The following TSNARE1 variants were observed in gnomAD, a reference collection of about 807,000 sequenced individuals.
TSNARE1 encodes t-SNARE domain containing 1, also known as t-SNARE domain-containing protein 1.
Under a neutral mutation model 62.0 loss-of-function variants are expected in TSNARE1, and 49 were observed. The ratio of observed to expected loss-of-function variants is 0.79; its 90% confidence interval spans 0.63 to 1.00. The LOEUF is 1.00. Among genes scored for constraint, TSNARE1 ranks in the 50% least tolerant of loss-of-function variants. TSNARE1 has a pLI of 0.00. For synonymous variants in TSNARE1, 328 were observed against 294.4 expected (o/e 1.11, Z -1.17); for missense variants, 755 against 700.1 (o/e 1.08, Z -0.88).
intron 11 of TSNARE1, chr8:142,278,425 G>A: frequency 2.0e-6 from 2 of 985,478 alleles, no homozygotes; most frequent in Non-Finnish European, 2.4e-6. Flanking sequence ...AGCTGGTCCT[G>A]CTTCCGGGGC....
chr8:142,356,899 T>A (rs1264724621), intron 1 of TSNARE1, among the ~76,000 whole-genome samples: 2 of 151,550 alleles, frequency 1.3e-5, no homozygotes, highest in Non-Finnish European at 2.9e-5. Context: ...CGAGCTCAGA[T>A]AACAAAGGCT....
At chr8:142,383,885 G>A (rs1211012204) in intron 1 of TSNARE1, among the ~76,000 whole-genome samples, 1 of 152,132 alleles carries the variant, frequency 6.6e-6, no homozygotes, top group Admixed American at 6.5e-5. Context: ...TTCACGTTTA[G>A]AAAAAACAGG....
intron 1 of TSNARE1, among the ~76,000 whole-genome samples, chr8:142,355,437 A>C (rs1232843145): frequency 1.3e-5 from 2 of 152,188 alleles, no homozygotes; most frequent in Non-Finnish European, 2.9e-5. Context: ...GTAAGCACTC[A>C]ACACATAACT....
At position 142,345,874 on chromosome 8, in the gene TSNARE1, G is replaced by A. The variant is rs746818682; in HGVS notation, c.107C>T (p.Thr36Ile). The change falls in exon 3 of 14, where the codon ACC becomes ATC. Residue 36 changes from threonine to isoleucine, a missense_variant. Thr to Ile is a moderately conservative substitution (Grantham distance 89). Coordinates refer to ENST00000524325, the MANE Select transcript of TSNARE1 (RefSeq NM_145003.5). The stretch of plus-strand genomic sequence containing the variant: ...GGGGAAATGGCGGATTCCATACTCG[G>A]TCCAACATCTAGCGCACTCTACGGA... ...CQPLECARCW[T>I]EYGIRHFPCP... 3 of 1,613,764 alleles carry A rather than the reference G, an allele frequency of 1.9e-6. No homozygotes were observed. The highest frequency in any genetic ancestry group is 2.7e-5 in the African/African-American group (2 of 75,014).
chr8:142,314,506 T>C lies in TSNARE1; in HGVS notation c.1075-66A>G, dbSNP rs372796274. ...AAAAGGGTGGGGAAGGGAGAAGAAA[T>C]GGTCAGCTGAGTGCAGGGCTCTGGA... On this transcript the variant is annotated intron_variant, in intron 8 of 13. Coordinates refer to ENST00000524325, the MANE Select transcript of TSNARE1 (RefSeq NM_145003.5). 46 of 1,449,614 alleles carry C rather than the reference T, an allele frequency of 3.2e-5. No individual in the cohort carries two copies. In the African/African-American group the frequency reaches 5.3e-4, roughly 17 times the overall value. The allele number at this position is 1,449,614 out of a possible 1,614,324, so 89.8% of individuals were successfully genotyped here. A position where few individuals can be genotyped will look rare whatever the true frequency, so the allele number is the denominator to read the frequency against.
At chr8:142,256,854 C>T (rs1026133743) in intron 12 of TSNARE1, among the ~76,000 whole-genome samples, 2 of 152,216 alleles carry the variant, frequency 1.3e-5, no homozygotes, top group Admixed American at 6.5e-5. Context: ...TGCTACTCAG[C>T]ACAATTTCTG....
rs1816355473 is a variant in TSNARE1, at chr8:142,222,347, C to CTCACTCACTCAT, written c.*11+7125_*11+7126insATGAGTGAGTGA. Among the ~76,000 whole-genome samples, 3 of 16,964 alleles carry CTCACTCACTCAT rather than the reference C, an allele frequency of 1.8e-4. 1 individual carries two copies. The highest frequency in any genetic ancestry group is 4.0e-3 in the South Asian group (2 of 500). The allele number at this position is 16,964 out of a possible 152,430, so 11.1% of individuals were successfully genotyped here. ...ATTCACTCACTCGCTCACTCATCCACTCACTCACTCACTCATCCACTAATT... is the reference window on the plus strand; with the variant it reads ...ATTCACTCACTCGCTCACTCATCCACTCACTCACTCATTCACTCACTCACTCATCCACTAATT... On this transcript the variant is annotated intron_variant, in intron 13 of 13. Transcript: ENST00000524325.
At chr8:142,360,954 G>C (rs112050645) in intron 1 of TSNARE1, among the ~76,000 whole-genome samples, 3 of 152,166 alleles carry the variant, frequency 2.0e-5, no homozygotes, top group Non-Finnish European at 4.4e-5. Flanking sequence ...CCCCACACAG[G>C]CAGAGGACAC....
intron 12 of TSNARE1, among the ~76,000 whole-genome samples, chr8:142,265,272 C>T (rs1819076824): frequency 6.6e-6 from 1 of 152,210 alleles, no homozygotes; most frequent in Non-Finnish European, 1.5e-5. Context: ...CTTCCCTAAC[C>T]CTTGACAACC....
At chr8:142,379,689 C>A (rs980215887) in intron 1 of TSNARE1, among the ~76,000 whole-genome samples, 1 of 152,314 alleles carries the variant, frequency 6.6e-6, no homozygotes, top group South Asian at 2.1e-4. Flanking sequence ...AGACGCAGCC[C>A]CCAGTGCTCC....
intron 2 of TSNARE1, among the ~76,000 whole-genome samples, chr8:142,351,329 C>G (rs1321269843): frequency 1.3e-5 from 2 of 152,180 alleles, no homozygotes; most frequent in Non-Finnish European, 2.9e-5. Context: ...CACACACCAG[C>G]AAGACGCATT....
chr8:142,370,841 C>CA (rs1450636288), intron 1 of TSNARE1, among the ~76,000 whole-genome samples: 22 of 128,646 alleles, frequency 1.7e-4, no homozygotes, highest in Non-Finnish European at 2.5e-4. Flanking sequence ...GGAGGGAAAA[C>CA]AAAAAACAAA....
intron 12 of TSNARE1, among the ~76,000 whole-genome samples, chr8:142,262,315 A>G (rs1293075037): frequency 6.6e-6 from 1 of 151,446 alleles, no homozygotes; most frequent in Admixed American, 6.6e-5. Context: ...CACTCTTCCT[A>G]TCCATGAACG....
At chr8:142,236,700 C>T (rs1393711206) in intron 12 of TSNARE1, among the ~76,000 whole-genome samples, 1 of 152,216 alleles carries the variant, frequency 6.6e-6, no homozygotes, top group Non-Finnish European at 1.5e-5. Flanking sequence ...AGACCACCAC[C>T]TCTTCCCACC....
At chr8:142,308,921 G>A (rs1827142515) in intron 9 of TSNARE1, among the ~76,000 whole-genome samples, 1 of 152,140 alleles carries the variant, frequency 6.6e-6, no homozygotes, top group South Asian at 2.1e-4. Flanking sequence ...GGTGAGAGCT[G>A]ACATCTCCAT....
chr8:142,361,623 C>G (rs1835171597), intron 1 of TSNARE1, among the ~76,000 whole-genome samples: 1 of 152,210 alleles, frequency 6.6e-6, no homozygotes, highest in Non-Finnish European at 1.5e-5. Context: ...CCTCCCCTGT[C>G]CCCTGGGGAA....
chr8:142,269,586 C>T (rs1168993944), intron 12 of TSNARE1: 21 of 984,750 alleles, frequency 2.1e-5, no homozygotes, highest in Non-Finnish European at 2.3e-5. Flanking sequence ...GCCTCAGCCT[C>T]CCAAAGTGCT....
chr8:142,263,056 G>A (rs1418331171), intron 12 of TSNARE1, among the ~76,000 whole-genome samples: 1 of 152,074 alleles, frequency 6.6e-6, no homozygotes, highest in Non-Finnish European at 1.5e-5. Flanking sequence ...ATATGATTGG[G>A]TGTCCTTTCT....
chr8:142,368,489 G>A (rs993907036), intron 1 of TSNARE1, among the ~76,000 whole-genome samples: 1 of 152,182 alleles, frequency 6.6e-6, no homozygotes, highest in African/African-American at 2.4e-5. Context: ...TGAAGCGTCA[G>A]GGCCATGGAG....
Sources: allele counts gnomAD v4.1 joint callset (sites outside exome capture counted in the v4.1 genomes callset), GRCh38; gene constraint gnomAD v4.1.1; transcripts MANE v1.5; gene names NCBI Gene and HGNC (gene_info 2026-07-23, HGNC 2026-07-21).